Variants in HEXA observed in about 807,000 individuals in gnomAD.
The protein encoded by HEXA is beta-hexosaminidase subunit alpha.
In HEXA, 54 loss-of-function variants were observed where a neutral mutation model predicts 73.3. The ratio of observed to expected loss-of-function variants is 0.74; its 90% confidence interval spans 0.59 to 0.92. The LOEUF (loss-of-function observed/expected upper bound fraction) is 0.92. HEXA is among the 40% of genes least tolerant of loss of function. HEXA has a pLI of 0.00. For missense variants in HEXA, 649 were observed against 653.0 expected (o/e 0.99, Z 0.07); for synonymous variants, 230 against 246.9 (o/e 0.93, Z 0.64).
At chr15:72,344,483 C>T (rs1158934906) in intron 13 of HEXA, among the ~76,000 whole-genome samples, 1 of 152,136 alleles carries the variant, frequency 6.6e-6, no homozygotes, top group Non-Finnish European at 1.5e-5. Context: ...GAAAGGCAGC[C>T]AATGCTCTTG....
chr15:72,353,972 C>T, intron 3 of HEXA: 2 of 600,408 alleles, frequency 3.3e-6, no homozygotes, highest in Non-Finnish European at 3.0e-6. Flanking sequence ...TAGTGCCCTT[C>T]CTTACAACAT....
rs745997044 is a variant in HEXA at position 72,350,548 on chromosome 15, T to C, written c.775A>G (p.Thr259Ala). The C allele has an allele frequency of 3.7e-6, 6 of 1,613,850 alleles. No individual in the cohort carries two copies. The highest frequency in any genetic ancestry group is 5.1e-6 in the Non-Finnish European group (6 of 1,179,974). Residue 259 changes from threonine to alanine, a missense_variant, in exon 7 of 14, where the codon ACT becomes GCT. Thr to Ala is a moderately conservative substitution (Grantham distance 58). Transcript: ENST00000268097. ...CCCCAGGACAAAGTGTGGCCAGGAG[T>C]GTCAAACTCTGCAAGCACACGGATA... ...RGIRVLAEFD[T>A]PGHTLSWGPG...
At chr15:72,373,704 A>T (rs1209495051) in intron 1 of HEXA, among the ~76,000 whole-genome samples, 1 of 152,198 alleles carries the variant, frequency 6.6e-6, no homozygotes, top group East Asian at 1.9e-4. Context: ...CTAATTTAGA[A>T]GTATAGGAAT....
chr15:72,363,749 A>G (rs1352522343), intron 1 of HEXA, among the ~76,000 whole-genome samples: 1 of 152,134 alleles, frequency 6.6e-6, no homozygotes, highest in Non-Finnish European at 1.5e-5. Flanking sequence ...TTTTTGGGTA[A>G]AAGTTGTACC....
Position 72,375,994 on chromosome 15 carries a change from G to C in HEXA, c.-22C>G. On this transcript the variant is annotated 5_prime_UTR_variant, in exon 1 of 14. Coordinates refer to ENST00000268097, the MANE Select transcript of HEXA (RefSeq NM_000520.6). The stretch of plus-strand genomic sequence containing the variant: ...TCATGGCCCGCTGGTCTCCCCTCTC[G>C]GAGGGGGCTGGCCACGTGAGACCCT... The C allele has an allele frequency of 6.2e-7, 1 of 1,610,334 alleles. No individual in the cohort carries two copies. Among genetic ancestry groups the C allele is most frequent in the Non-Finnish European group, 8.5e-7 (1 of 1,179,948 alleles).
chr15:72,363,189 A>T (rs1460113855), intron 1 of HEXA, among the ~76,000 whole-genome samples: 1 of 152,180 alleles, frequency 6.6e-6, no homozygotes, highest in African/African-American at 2.4e-5. Flanking sequence ...CAACCAAGAT[A>T]TATTGTGCAT....
Position 72,346,765 on chromosome 15 carries a change from C to T in HEXA, c.1147-55G>A. ...ACACAAAGCTGAGGAGATTCCTGGG[C>T]CTTATTCATACACAGGCAACATGGG... On this transcript the variant is annotated intron_variant, in intron 10 of 13. Transcript: ENST00000268097. 3 of 1,543,152 alleles carry T rather than the reference C, an allele frequency of 1.9e-6. No homozygotes were observed. In the South Asian group the frequency reaches 3.4e-5, roughly 17 times the overall value.
At position 72,343,972 on chromosome 15, in the gene HEXA, C is replaced by A; in HGVS notation, c.*105G>T. The A allele has an allele frequency of 1.1e-6, 1 of 927,400 alleles. No homozygotes were observed. The highest frequency in any genetic ancestry group is 2.5e-5 in the East Asian group (1 of 40,776). The allele number at this position is 927,400 out of a possible 1,614,324, so 57.4% of individuals were successfully genotyped here. A position where few individuals can be genotyped will look rare whatever the true frequency, so the allele number is the denominator to read the frequency against. ...CTCTCCAAGCACAGGGGCACGCAGG[C>A]AAGGGGCACGAAGGCAAGGGGCTCC... On this transcript the variant is annotated 3_prime_UTR_variant, in exon 14 of 14. Coordinates refer to ENST00000268097, the MANE Select transcript of HEXA (RefSeq NM_000520.6).
chr15:72,348,378 G>C (rs1357334972), intron 8 of HEXA, among the ~76,000 whole-genome samples: 1 of 152,188 alleles, frequency 6.6e-6, no homozygotes, highest in African/African-American at 2.4e-5. Flanking sequence ...AACTCCCAAA[G>C]AGAAAACATA....
intron 1 of HEXA, among the ~76,000 whole-genome samples, chr15:72,361,678 T>C (rs2088854602): frequency 6.6e-6 from 1 of 152,248 alleles, no homozygotes; most frequent in African/African-American, 2.4e-5. Context: ...TCTAACTGAG[T>C]AGATCACAAG....
rs181222854 is a variant in HEXA at position 72,364,964 on chromosome 15, A to G, written c.254-8347T>C. Reference sequence around the variant, plus strand: ...AGCCTCCCAAACAGCTAAGACTACAAGCGTGCACCAGCATGTCAGGCTAAT... The same window carrying G: ...AGCCTCCCAAACAGCTAAGACTACAGGCGTGCACCAGCATGTCAGGCTAAT... On this transcript the variant is annotated intron_variant, in intron 1 of 13. Coordinates refer to ENST00000268097, the MANE Select transcript of HEXA (RefSeq NM_000520.6). 1.6e-3 allele frequency among the ~76,000 whole-genome samples: 239 copies of G among 151,262 alleles called. 1 individual carries two copies. The highest frequency in any genetic ancestry group is 5.7e-3 in the African/African-American group (234 of 41,216).
intron 9 of HEXA, 45 bp from the exon 10 acceptor site, chr15:72,347,803 T>C: frequency 6.4e-7 from 1 of 1,566,778 alleles, no homozygotes; most frequent in South Asian, 1.1e-5. Flanking sequence ...TTAGCTCAGA[T>C]GGGTTCTAGA....
chr15:72,354,468 A>C (rs2088746143), intron 3 of HEXA: 3 of 152,380 alleles, frequency 2.0e-5, no homozygotes, highest in Non-Finnish European at 2.9e-5. Context: ...GAAAATTATC[A>C]GAGTCCCCAG....
chr15:72,360,971 C>T (rs1567302480), intron 1 of HEXA, among the ~76,000 whole-genome samples: 1 of 152,176 alleles, frequency 6.6e-6, no homozygotes, highest in Non-Finnish European at 1.5e-5. Flanking sequence ...TTCCTTACAA[C>T]CTATCTATTC....
At chr15:72,350,002 G>A (rs1340881696) in intron 7 of HEXA, among the ~76,000 whole-genome samples, 2 of 152,168 alleles carry the variant, frequency 1.3e-5, no homozygotes, top group Non-Finnish European at 2.9e-5. Context: ...GACCTCAGGT[G>A]ATCCACCCGC....
chr15:72,361,075 C>T (rs1029956530), intron 1 of HEXA, among the ~76,000 whole-genome samples: 2 of 152,198 alleles, frequency 1.3e-5, no homozygotes, highest in African/African-American at 4.8e-5. Context: ...TCAAGGGACT[C>T]TTTTCAATTC....
intron 12 of HEXA, chr15:72,345,940 C>A: frequency 3.7e-6 from 2 of 540,218 alleles, no homozygotes; most frequent in Non-Finnish European, 6.7e-6. Flanking sequence ...ATCATGGATG[C>A]TTGTGCTGGG....
chr15:72,352,632 A>G (rs979993625), intron 5 of HEXA, among the ~76,000 whole-genome samples: 1 of 147,024 alleles, frequency 6.8e-6, no homozygotes, highest in Non-Finnish European at 1.5e-5. Context: ...CATCTTCTAC[A>G]TTTTTCCCAG....
intron 1 of HEXA, chr15:72,359,665 CA>C: frequency 8.5e-6 from 1 of 117,944 alleles, no homozygotes; most frequent in East Asian, 2.5e-4. Flanking sequence ...CACTGCACCC[CA>C]GCCTGGGCAA....
Sources: allele counts gnomAD v4.1 joint callset (sites outside exome capture counted in the v4.1 genomes callset), GRCh38; gene constraint gnomAD v4.1.1; transcripts MANE v1.5; gene names NCBI Gene and HGNC (gene_info 2026-07-23, HGNC 2026-07-21).